Variants in KANK4 observed in about 807,000 individuals in gnomAD.
The protein encoded by KANK4 is KN motif and ankyrin repeat domain-containing protein 4.
KANK4 carries 50 observed loss-of-function variants against 80.8 expected under a neutral mutation model. The observed-to-expected ratio is 0.62, with a 90% confidence interval of 0.49 to 0.78. KANK4 has a LOEUF of 0.78. KANK4 is among the 30% of genes least tolerant of loss of function. The probability of loss-of-function intolerance (pLI) is 0.00; values close to 1 mark genes in which losing one functional copy is unlikely to be tolerated. For missense variants in KANK4, 1,196 were observed against 1,240.1 expected (o/e 0.96, Z 0.53); for synonymous variants, 465 against 506.9 (o/e 0.92, Z 1.11).
chr1:62,258,909 G>T lies in KANK4; in HGVS notation c.2539+4183C>A, dbSNP rs957064531. Among the ~76,000 whole-genome samples the T allele has an allele frequency of 6.6e-5, 10 of 152,306 alleles. 1 individual carries two copies. The East Asian group carries it at 1.9e-3, about 29-fold the overall frequency. ...GCCAGTCACAAGAAGAGCCTCAGGG[G>T]GAAGAGTCCAGGTAGAAGGCAAATA... On this transcript the variant is annotated intron_variant, in intron 7 of 9. Coordinates refer to ENST00000371153, the MANE Select transcript of KANK4 (RefSeq NM_181712.5).
In KANK4 at chr1:62,273,828, C is replaced by CTTAT; in HGVS notation, c.1275_1276insATAA (p.Glu426IlefsTer5). The CTTAT allele has an allele frequency of 6.2e-7, 1 of 1,614,194 alleles. No individual in the cohort carries two copies. The highest frequency in any genetic ancestry group is 8.5e-7 in the Non-Finnish European group (1 of 1,180,030). ...ACTTCAATGCCCTTATCACACGACT[C>CTTAT]CCTGGTCAAGAGTCCATGGACAGGG... On this transcript the variant is annotated frameshift_variant, in exon 3 of 10. Coordinates refer to ENST00000371153, the MANE Select transcript of KANK4 (RefSeq NM_181712.5). LOFTEE classifies it high-confidence loss of function.
chr1:62,243,918 C>T (rs1373073489), intron 9 of KANK4, among the ~76,000 whole-genome samples: 1 of 152,100 alleles, frequency 6.6e-6, no homozygotes, highest in African/African-American at 2.4e-5. Context: ...CCTCCAGACA[C>T]TGTCTGTAAA....
At position 62,268,246 on chromosome 1, in the gene KANK4, T is replaced by C. The variant is rs182624474; in HGVS notation, c.2231+41A>G. ...GGGTAGATATATGCCCTTGACCTTTTTCAGAGGAACAAGTGCCCGCGTTTG... is the reference window on the plus strand; with the variant it reads ...GGGTAGATATATGCCCTTGACCTTTCTCAGAGGAACAAGTGCCCGCGTTTG... On this transcript the variant is annotated intron_variant, in intron 5 of 9. Transcript: ENST00000371153. The C allele has an allele frequency of 9.1e-5, 139 of 1,535,328 alleles. No individual in the cohort carries two copies. In the African/African-American group the frequency reaches 1.8e-3, roughly 20 times the overall value.
chr1:62,269,371 A>AC (rs1224436709), intron 4 of KANK4, among the ~76,000 whole-genome samples: 8 of 151,362 alleles, frequency 5.3e-5, no homozygotes, highest in African/African-American at 1.7e-4. Flanking sequence ...CCTCCATTGA[A>AC]CCCCCTAAGG....
At chr1:62,255,133 C>T (rs1476056529) in intron 7 of KANK4, among the ~76,000 whole-genome samples, 1 of 152,034 alleles carries the variant, frequency 6.6e-6, no homozygotes, top group African/African-American at 2.4e-5. Context: ...GATCCACCCA[C>T]CTCAGCCTCC....
intron 1 of KANK4, among the ~76,000 whole-genome samples, chr1:62,284,590 A>T (rs909937464): frequency 6.6e-6 from 1 of 152,192 alleles, no homozygotes; most frequent in Admixed American, 6.5e-5. Context: ...AAGTGCTGGG[A>T]TTACAGGGGT....
At chr1:62,294,541 C>T (rs1016662517) in intron 1 of KANK4, among the ~76,000 whole-genome samples, 1 of 152,180 alleles carries the variant, frequency 6.6e-6, no homozygotes, top group Non-Finnish European at 1.5e-5. Flanking sequence ...GTTGCATCTG[C>T]CTTCTGGGTT....
At position 62,319,182 on chromosome 1, in the gene KANK4, T is replaced by C. The variant is rs1261481768; in HGVS notation, c.-147A>G. ...GGGGCAGCTAGGCGCACACCCCGGC[T>C]TCGGAGCGCACGCAACCTCCGGGTG... On this transcript the variant is annotated 5_prime_UTR_variant, in exon 1 of 10. Coordinates refer to ENST00000371153, the MANE Select transcript of KANK4 (RefSeq NM_181712.5). 1 of 152,100 alleles carries C rather than the reference T, an allele frequency of 6.6e-6. No homozygotes were observed. The highest frequency in any genetic ancestry group is 2.4e-5 in the African/African-American group (1 of 41,414). The allele number at this position is 152,100 out of a possible 1,614,324, so 9.4% of individuals were successfully genotyped here.
chr1:62,241,270 A>G (rs1671334952), intron 9 of KANK4, among the ~76,000 whole-genome samples: 1 of 152,102 alleles, frequency 6.6e-6, no homozygotes, highest in Non-Finnish European at 1.5e-5. Flanking sequence ...GAGTCAGAAG[A>G]CAGGAACAGA....
At position 62,247,688 on chromosome 1, in the gene KANK4, C is replaced by G. The variant is rs575098194; in HGVS notation, c.2683-16G>C. 2.5e-6 allele frequency: 4 copies of G among 1,612,178 alleles called. No homozygotes were observed. The highest frequency in any genetic ancestry group is 1.7e-5 in the Admixed American group (1 of 60,000). ...TCTGGCCTCCCTGCATGCAGAGCCACAGGGATGTGGTGAGGTTGCTGCCAG... is the reference window on the plus strand; with the variant it reads ...TCTGGCCTCCCTGCATGCAGAGCCAGAGGGATGTGGTGAGGTTGCTGCCAG... On this transcript the variant is annotated splice_polypyrimidine_tract_variant and intron_variant, in intron 8 of 9. Transcript: ENST00000371153.
In KANK4 at chr1:62,281,518, T is replaced by G. The variant is rs746615430; in HGVS notation, c.16+31A>C. 6 of 1,614,108 alleles carry G rather than the reference T, an allele frequency of 3.7e-6. No individual in the cohort carries two copies. The Admixed American group carries it at 1.0e-4, about 27-fold the overall frequency. On this transcript the variant is annotated intron_variant, in intron 2 of 9. Coordinates refer to ENST00000371153, the MANE Select transcript of KANK4 (RefSeq NM_181712.5). ...TCTTTCCCAGCCCAAGTGCTTATCT[T>G]AAACCAGGCCCTACAAAGCAGCTTG...
At chr1:62,306,813 CAT>C (rs1644455495) in intron 1 of KANK4, among the ~76,000 whole-genome samples, 1 of 152,144 alleles carries the variant, frequency 6.6e-6, no homozygotes, top group African/African-American at 2.4e-5. Context: ...TATAATATAA[CAT>C]AATAATAATT....
In KANK4 at chr1:62,238,071, G is replaced by C. The variant is rs1393084567; in HGVS notation, c.*206C>G. 2.0e-6 allele frequency: 1 copy of C among 507,900 alleles called. No homozygotes were observed. Among genetic ancestry groups the C allele is most frequent in the East Asian group, 3.0e-5 (1 of 33,094 alleles). The allele number at this position is 507,900 out of a possible 1,614,324, so 31.5% of individuals were successfully genotyped here. ...CACCTTGAACCCTGCTCTGAAGCCC[G>C]TGTAGTTTTCAGGCTTGGCCTAAGG... is the stretch of plus-strand genomic sequence containing the variant. On this transcript the variant is annotated 3_prime_UTR_variant, in exon 10 of 10. Coordinates refer to ENST00000371153, the MANE Select transcript of KANK4 (RefSeq NM_181712.5).
intron 6 of KANK4, among the ~76,000 whole-genome samples, chr1:62,263,665 TC>T (rs919196058): frequency 1.3e-5 from 2 of 151,748 alleles, no homozygotes; most frequent in Non-Finnish European, 2.9e-5. Flanking sequence ...GCCCTCTCCT[TC>T]CCCCTCACAC....
chr1:62,263,664 T>G (rs1194597025), intron 6 of KANK4, among the ~76,000 whole-genome samples: 2 of 152,038 alleles, frequency 1.3e-5, no homozygotes, highest in African/African-American at 2.4e-5. Flanking sequence ...GGCCCTCTCC[T>G]TCCCCCTCAC....
chr1:62,278,165 C>T (rs895254353), intron 2 of KANK4, among the ~76,000 whole-genome samples: 3 of 151,924 alleles, frequency 2.0e-5, no homozygotes, highest in African/African-American at 7.3e-5. Flanking sequence ...AAAAGAGCAT[C>T]TTGCCAAGGA....
At chr1:62,244,111 A>G (rs1162657189) in intron 9 of KANK4, among the ~76,000 whole-genome samples, 1 of 152,120 alleles carries the variant, frequency 6.6e-6, no homozygotes, top group Non-Finnish European at 1.5e-5. Context: ...ATGAGCATCT[A>G]GAGGCCCAGA....
chr1:62,236,225 G>C lies in KANK4; in HGVS notation c.*2052C>G, dbSNP rs1335594586. On this transcript the variant is annotated 3_prime_UTR_variant, in exon 10 of 10. Transcript: ENST00000371153. ...ATAGGCCAGAGGCTTGCTACTCAAA[G>C]TGTGGTTGTGGCTCGATAGCATCAG... is the stretch of plus-strand genomic sequence containing the variant. 6.6e-6 allele frequency among the ~76,000 whole-genome samples: 1 copy of C among 152,190 alleles called. No homozygotes were observed. Among genetic ancestry groups the C allele is most frequent in the Non-Finnish European group, 1.5e-5 (1 of 68,034 alleles).
At chr1:62,287,360 A>G (rs1345126181) in intron 1 of KANK4, among the ~76,000 whole-genome samples, 4 of 152,146 alleles carry the variant, frequency 2.6e-5, no homozygotes, top group Non-Finnish European at 5.9e-5. Flanking sequence ...TGTGCTGGGA[A>G]ATGAAGCCTC....
Sources: gnomAD v4.1 joint callset for allele counts (sites outside exome capture counted in the v4.1 genomes callset) on GRCh38, gnomAD v4.1.1 for gene constraint, MANE v1.5 for transcripts, NCBI Gene and HGNC (gene_info 2026-07-23, HGNC 2026-07-21) for gene names.